RAP1GDS1: variants seen among roughly 807,000 people sequenced by gnomAD.
RAP1GDS1 encodes the protein RAP1, GTP-GDP dissociation stimulator 1.
RAP1GDS1 carries 35 observed loss-of-function variants against 71.1 expected under a neutral mutation model. That is an observed-to-expected ratio of 0.49 (90% CI 0.38 to 0.65). The LOEUF (loss-of-function observed/expected upper bound fraction) is 0.65. Among genes scored for constraint, RAP1GDS1 ranks in the 30% least tolerant of loss-of-function variants. RAP1GDS1 has a pLI of 0.00. For missense variants in RAP1GDS1, 663 were observed against 706.1 expected (o/e 0.94, Z 0.69); for synonymous variants, 229 against 243.1 (o/e 0.94, Z 0.54).
chr4:98,345,570 A>G (rs1353819962), intron 3 of RAP1GDS1, among the ~76,000 whole-genome samples: 1 of 152,234 alleles, frequency 6.6e-6, no homozygotes, highest in Non-Finnish European at 1.5e-5. Context: ...CAAATAAGAT[A>G]TGACATATCT....
chr4:98,425,779 G>A (rs918944987), intron 12 of RAP1GDS1, among the ~76,000 whole-genome samples: 1 of 152,074 alleles, frequency 6.6e-6, no homozygotes, highest in Non-Finnish European at 1.5e-5. Flanking sequence ...AATAGTGGGA[G>A]ACTTCAATAC....
chr4:98,310,958 TTC>T (rs1354512923), intron 2 of RAP1GDS1, among the ~76,000 whole-genome samples: 1 of 140,126 alleles, frequency 7.1e-6, no homozygotes, highest in Non-Finnish European at 1.5e-5. Context: ...ACACAAATGC[TTC>T]TCAAATTTTA....
chr4:98,425,506 G>A (rs1287720153), intron 12 of RAP1GDS1, among the ~76,000 whole-genome samples: 2 of 152,092 alleles, frequency 1.3e-5, no homozygotes, highest in Admixed American at 6.6e-5. Context: ...AACACATAAG[G>A]ACTCACTTAA....
At chr4:98,356,597 G>T (rs1041346394) in intron 4 of RAP1GDS1, among the ~76,000 whole-genome samples, 1 of 151,954 alleles carries the variant, frequency 6.6e-6, no homozygotes, top group African/African-American at 2.4e-5. Context: ...TTTATACACC[G>T]AGGAAGAATA....
At chr4:98,441,862 A>AAT in intron 14 of RAP1GDS1, 128 bp from the exon 15 acceptor site, 3 of 1,037,894 alleles carry the variant, frequency 2.9e-6, no homozygotes, top group Non-Finnish European at 4.0e-6. Context: ...GGCTACTGCT[A>AAT]TGTCTTTTTC....
At chr4:98,370,377 C>G (rs1578621418) in intron 4 of RAP1GDS1, among the ~76,000 whole-genome samples, 1 of 152,002 alleles carries the variant, frequency 6.6e-6, no homozygotes, top group Non-Finnish European at 1.5e-5. Flanking sequence ...GTAAATCTAC[C>G]TATTGTGGAT....
chr4:98,355,084 C>G (rs1341404522), intron 4 of RAP1GDS1, among the ~76,000 whole-genome samples: 1 of 152,056 alleles, frequency 6.6e-6, no homozygotes, highest in Admixed American at 6.6e-5. Context: ...AATATAAAAG[C>G]CTTGTAAATG....
At chr4:98,434,168 G>A (rs770186217) in intron 13 of RAP1GDS1, 106 bp downstream of exon 13, 3 of 1,347,552 alleles carry the variant, frequency 2.2e-6, no homozygotes, top group Non-Finnish European at 3.1e-6. Flanking sequence ...GAAGCATTTT[G>A]CTAGTGTCTG....
chr4:98,268,484 A>G (rs1722997824), intron 1 of RAP1GDS1, among the ~76,000 whole-genome samples: 2 of 152,174 alleles, frequency 1.3e-5, no homozygotes, highest in South Asian at 2.1e-4. Flanking sequence ...AGACAAGAAA[A>G]AGAAATTAAA....
At chr4:98,347,715 C>T (rs1198653287) in intron 3 of RAP1GDS1, among the ~76,000 whole-genome samples, 2 of 152,186 alleles carry the variant, frequency 1.3e-5, no homozygotes, top group South Asian at 2.1e-4. Flanking sequence ...TTCAGTTCTC[C>T]GAGTTCAAAT....
intron 2 of RAP1GDS1, among the ~76,000 whole-genome samples, chr4:98,319,063 G>C (rs1019693113): frequency 1.3e-5 from 2 of 152,134 alleles, no homozygotes; most frequent in Non-Finnish European, 2.9e-5. Flanking sequence ...AATGGATTAG[G>C]TGCCTCTGTA....
At chr4:98,398,945 T>G (rs1744954641) in intron 6 of RAP1GDS1, among the ~76,000 whole-genome samples, 2 of 152,142 alleles carry the variant, frequency 1.3e-5, no homozygotes, top group Non-Finnish European at 2.9e-5. Flanking sequence ...TAGAAGGACA[T>G]CCCATGCTTA....
chr4:98,412,705 C>T (rs1049422433), intron 7 of RAP1GDS1, among the ~76,000 whole-genome samples: 1 of 152,186 alleles, frequency 6.6e-6, no homozygotes, highest in African/African-American at 2.4e-5. Flanking sequence ...CCCTAAATGT[C>T]GGCCCATCTG....
At chr4:98,414,045 C>T (rs1170924082) in intron 7 of RAP1GDS1, among the ~76,000 whole-genome samples, 2,027 of 151,752 alleles carry the variant, frequency 0.013, 17 homozygotes, top group African/African-American at 0.019. Context: ...TCATGTCCTT[C>T]GCCCACTTTT....
intron 14 of RAP1GDS1, among the ~76,000 whole-genome samples, chr4:98,437,529 C>T (rs1407337386): frequency 3.3e-5 from 5 of 152,116 alleles, no homozygotes; most frequent in African/African-American, 9.7e-5. Flanking sequence ...CACGGTGGCT[C>T]ATGCCTGTAC....
intron 5 of RAP1GDS1, among the ~76,000 whole-genome samples, chr4:98,390,349 CTTAG>C (rs893497257): frequency 5.9e-5 from 9 of 152,042 alleles, no homozygotes; most frequent in African/African-American, 2.2e-4. Flanking sequence ...ATACAGATTA[CTTAG>C]TTGAGTATAT....
intron 2 of RAP1GDS1, among the ~76,000 whole-genome samples, chr4:98,333,762 A>G (rs1734322911): frequency 6.6e-6 from 1 of 152,114 alleles, no homozygotes; most frequent in African/African-American, 2.4e-5. Context: ...TCTTTTAACC[A>G]TTTATATAGA....
intron 1 of RAP1GDS1, among the ~76,000 whole-genome samples, chr4:98,266,602 G>C (rs1722744195): frequency 6.6e-6 from 1 of 152,084 alleles, no homozygotes; most frequent in African/African-American, 2.4e-5. Context: ...ATTTTTGAAA[G>C]CTGGTAATTA....
chr4:98,400,528 T>TAAAAAAAA lies in RAP1GDS1; in HGVS notation c.638-3937_638-3930dup, dbSNP rs774732053. 2.2e-3 allele frequency among the ~76,000 whole-genome samples: 161 copies of TAAAAAAAA among 74,320 alleles called. 1 individual carries two copies. The highest frequency in any genetic ancestry group is 6.6e-3 in the African/African-American group (151 of 22,712). 48.8% of individuals were successfully genotyped at this position (74,320 alleles called of 152,430 possible). On this transcript the variant is annotated intron_variant, in intron 6 of 14. Transcript: ENST00000408927. ...AAGCTTAAAGTTGATTTTATAGAAG[T>TAAAAAAAA]AAAAAAAAAAAAAAAAAAACGGATA...
Sources: allele counts gnomAD v4.1 joint callset (sites outside exome capture counted in the v4.1 genomes callset), GRCh38; gene constraint gnomAD v4.1.1; transcripts MANE v1.5; gene names NCBI Gene and HGNC (gene_info 2026-07-23, HGNC 2026-07-21).